The following CRIM1 variants were observed in gnomAD, a reference collection of about 807,000 sequenced individuals.
The protein encoded by CRIM1 is cysteine-rich motor neuron 1 protein.
CRIM1 carries 32 observed loss-of-function variants against 116.4 expected under a neutral mutation model. That is an observed-to-expected ratio of 0.27 (90% CI 0.21 to 0.37). The LOEUF (loss-of-function observed/expected upper bound fraction) is 0.37, where lower values mean the gene tolerates loss of function less well. CRIM1 is among the 10% of genes least tolerant of loss of function. CRIM1 has a pLI of 1.00. For missense variants in CRIM1, 1,331 were observed against 1,354.8 expected (o/e 0.98, Z 0.28); for synonymous variants, 590 against 509.2 (o/e 1.16, Z -2.13).
chr2:36,404,471 A>G (rs940397711), intron 2 of CRIM1, among the ~76,000 whole-genome samples: 9 of 152,196 alleles, frequency 5.9e-5, no homozygotes, highest in African/African-American at 2.2e-4. Flanking sequence ...ATTCTCTACA[A>G]GTACCTTCCG....
At position 36,517,412 on chromosome 2, in the gene CRIM1, G is replaced by A. The variant is rs912260044; in HGVS notation, c.2076G>A (p.Thr692=). ...PGGEYFVEGE[T]WNIDSCTQCT... ...GAGAATACTTTGTGGAAGGAGAAACGTGGAACATTGACTCCTGTACTCAGT... is the reference window on the plus strand; with the variant it reads ...GAGAATACTTTGTGGAAGGAGAAACATGGAACATTGACTCCTGTACTCAGT... The change falls in exon 12 of 17, where the codon ACG becomes ACA. Residue 692 remains threonine (T), a synonymous_variant. Coordinates refer to ENST00000280527, the MANE Select transcript of CRIM1 (RefSeq NM_016441.3). 1.2e-5 allele frequency: 20 copies of A among 1,614,110 alleles called. No individual in the cohort carries two copies. The highest frequency in any genetic ancestry group is 2.2e-5 in the South Asian group (2 of 91,096).
intron 5 of CRIM1, 135 bp downstream of exon 5, chr2:36,464,790 G>A (rs1331676850): frequency 1.9e-6 from 2 of 1,049,334 alleles, no homozygotes; most frequent in Non-Finnish European, 2.8e-6. Flanking sequence ...CACTCAAAAA[G>A]GTTTGCTTAA....
At chr2:36,379,273 G>A (rs901331052) in intron 1 of CRIM1, 1 of 152,190 alleles carries the variant, frequency 6.6e-6, no homozygotes, top group Non-Finnish European at 1.5e-5. Flanking sequence ...CAGGTGGTTT[G>A]AAGGATTCAT....
intron 1 of CRIM1, among the ~76,000 whole-genome samples, chr2:36,375,234 G>T (rs1293499938): frequency 1.3e-5 from 2 of 152,032 alleles, no homozygotes; most frequent in Admixed American, 1.3e-4. Context: ...ACGTTATCCA[G>T]CAAGGGACCT....
chr2:36,380,604 A>G (rs550279379), intron 1 of CRIM1, among the ~76,000 whole-genome samples: 1 of 152,214 alleles, frequency 6.6e-6, no homozygotes, highest in African/African-American at 2.4e-5. Flanking sequence ...ACATAAAGAA[A>G]GTTTGGGAGA....
chr2:36,538,365 G>C (rs921517312), intron 14 of CRIM1, among the ~76,000 whole-genome samples: 7 of 152,092 alleles, frequency 4.6e-5, no homozygotes, highest in African/African-American at 1.7e-4. Flanking sequence ...CGGTGGTATA[G>C]ACCACACAGA....
chr2:36,536,021 CAATTGT>C (rs1666525662), intron 13 of CRIM1, among the ~76,000 whole-genome samples: 2 of 152,134 alleles, frequency 1.3e-5, no homozygotes, highest in African/African-American at 4.8e-5. Context: ...TCCCAAGGGA[CAATTGT>C]AATTGGTAAG....
chr2:36,505,796 G>A (rs1000575776), intron 8 of CRIM1, among the ~76,000 whole-genome samples: 3 of 151,794 alleles, frequency 2.0e-5, no homozygotes, highest in Non-Finnish European at 4.4e-5. Flanking sequence ...AGTGATAGTG[G>A]TTGTAGTGGT....
At chr2:36,471,094 C>A (rs1301219318) in intron 5 of CRIM1, among the ~76,000 whole-genome samples, 2 of 152,198 alleles carry the variant, frequency 1.3e-5, no homozygotes, top group African/African-American at 4.8e-5. Context: ...TTGCTGCAAT[C>A]TCATGATAAA....
Position 36,356,662 on chromosome 2 carries a change from G to C in CRIM1, c.331+39G>C. ...CTGCGGGCCCCCTCCCACCTGGCCTGCGCCGCCCCCTCGGCGCTGGTTGTG... is the reference window on the plus strand; with the variant it reads ...CTGCGGGCCCCCTCCCACCTGGCCTCCGCCGCCCCCTCGGCGCTGGTTGTG... On this transcript the variant is annotated intron_variant, in intron 1 of 16. Transcript: ENST00000280527. The surrounding 1 kb of genome is among the most constrained non-coding windows in gnomAD (Gnocchi z 4.3). The C allele has an allele frequency of 6.4e-7, 1 of 1,564,422 alleles. No individual in the cohort carries two copies. Among genetic ancestry groups the C allele is most frequent in the Non-Finnish European group, 8.7e-7 (1 of 1,155,602 alleles).
At chr2:36,437,256 TC>T (rs1220678618) in intron 2 of CRIM1, among the ~76,000 whole-genome samples, 4 of 151,998 alleles carry the variant, frequency 2.6e-5, no homozygotes, top group Non-Finnish European at 5.9e-5. Context: ...GCGCCTGTAG[TC>T]CCAGCTACTC....
intron 13 of CRIM1, among the ~76,000 whole-genome samples, chr2:36,530,570 C>T (rs1450685552): frequency 6.6e-6 from 1 of 152,258 alleles, no homozygotes; most frequent in African/African-American, 2.4e-5. Flanking sequence ...TCCTTTGTGG[C>T]TTAGAGAGTG....
intron 2 of CRIM1, among the ~76,000 whole-genome samples, chr2:36,400,865 C>T (rs1672353192): frequency 6.6e-6 from 1 of 152,138 alleles, no homozygotes; most frequent in African/African-American, 2.4e-5. Context: ...GATGACCTGG[C>T]GAATTTAGAC....
intron 7 of CRIM1, among the ~76,000 whole-genome samples, chr2:36,491,388 A>G (rs1007647597): frequency 6.6e-6 from 1 of 152,158 alleles, no homozygotes; most frequent in Middle Eastern, 3.2e-3. Context: ...CAGCCTTAAG[A>G]TCTGGCTTTC....
At chr2:36,477,306 A>C (rs892102853) in intron 6 of CRIM1, among the ~76,000 whole-genome samples, 5 of 152,208 alleles carry the variant, frequency 3.3e-5, no homozygotes, top group Non-Finnish European at 5.9e-5. Context: ...ACCTCTTTCC[A>C]CAGGCAACGT....
intron 13 of CRIM1, among the ~76,000 whole-genome samples, chr2:36,531,247 T>A (rs1666095578): frequency 6.6e-6 from 1 of 152,196 alleles, no homozygotes; most frequent in Non-Finnish European, 1.5e-5. Context: ...GACCACCAGA[T>A]TTAGAAATTG....
chr2:36,378,280 C>T (rs2148327063), intron 1 of CRIM1: 1 of 470,810 alleles, frequency 2.1e-6, no homozygotes, highest in South Asian at 1.5e-5. Context: ...CATTACATCA[C>T]ATTGAAGATG....
At chr2:36,378,353 C>T (rs570287781) in intron 1 of CRIM1, 1 of 471,078 alleles carries the variant, frequency 2.1e-6, no homozygotes, top group African/African-American at 2.0e-5. Flanking sequence ...ATGTTTCTCT[C>T]TAGCTGCGGG....
chr2:36,479,336 T>C (rs1177640978), intron 6 of CRIM1, among the ~76,000 whole-genome samples, 161 bp from the exon 7 acceptor site: 1 of 152,168 alleles, frequency 6.6e-6, no homozygotes. Context: ...TTCTTTTGCA[T>C]GCACCCCCAG....
Sources: allele counts gnomAD v4.1 joint callset (sites outside exome capture counted in the v4.1 genomes callset), GRCh38; gene constraint gnomAD v4.1.1; non-coding constraint Gnocchi (gnomAD v3.1); transcripts MANE v1.5; gene names NCBI Gene and HGNC (gene_info 2026-07-23, HGNC 2026-07-21).